Variants in BRIP1 observed in about 807,000 individuals in gnomAD.
The protein encoded by BRIP1 is Fanconi anemia group J protein.
A neutral mutation model predicts 119.7 loss-of-function variants in BRIP1; 88 were observed. That is an observed-to-expected ratio of 0.74 (90% CI 0.62 to 0.88). BRIP1 has a LOEUF of 0.88. BRIP1 is among the 40% of genes least tolerant of loss of function. The probability of loss-of-function intolerance (pLI) is 0.00; values close to 1 mark genes in which losing one functional copy is unlikely to be tolerated. For synonymous variants in BRIP1, 443 were observed against 496.5 expected (o/e 0.89, Z 1.43); for missense variants, 1,259 against 1,455.4 (o/e 0.87, Z 2.20).
rs930254010 is a variant in BRIP1, at chr17:61,825,496, T to G, written c.628-16739A>C. Among the ~76,000 whole-genome samples the G allele has an allele frequency of 6.6e-6, 1 of 151,786 alleles. No individual in the cohort carries two copies. Among genetic ancestry groups the G allele is most frequent in the South Asian group, 2.1e-4 (1 of 4,812 alleles). On this transcript the variant is annotated intron_variant, in intron 6 of 19. Transcript: ENST00000259008. The surrounding 1 kb of genome is among the most constrained non-coding windows in gnomAD (Gnocchi z 4.1). ...AACTCCACAGTCTCAGCCCAAAACC[T>G]CCTTAAGCTGATAAACAACTTGTCA...
Position 61,774,908 on chromosome 17 carries a change from C to G in BRIP1, c.2097+1493G>C, listed in dbSNP as rs1417677105. On this transcript the variant is annotated intron_variant, in intron 14 of 19. Transcript: ENST00000259008. This position sits in a 1 kb window ranked among gnomAD's most constrained non-coding sequence, Gnocchi z 5.8. Reference sequence around the variant, plus strand: ...CCAAGCCTAGCAGAAAAATGTCACCCAGACATCTCCTATCTCCCTTTTTGT... The same window carrying G: ...CCAAGCCTAGCAGAAAAATGTCACCGAGACATCTCCTATCTCCCTTTTTGT... Among the ~76,000 whole-genome samples, 4 of 152,142 alleles carry G rather than the reference C, an allele frequency of 2.6e-5. No homozygotes were observed. The highest frequency in any genetic ancestry group is 9.7e-5 in the African/African-American group (4 of 41,450).
chr17:61,780,246 A>G lies in BRIP1; in HGVS notation c.1935+15T>C, dbSNP rs796483567. 2.5e-6 allele frequency: 4 copies of G among 1,611,094 alleles called. No individual in the cohort carries two copies. In the African/African-American group the frequency reaches 5.3e-5, roughly 21 times the overall value. ...AAACACTGAAGGCCTTCCAAAAAAA[A>G]AAACAACAACTAACCTGTGAATTTT... On this transcript the variant is annotated intron_variant, in intron 13 of 19. Coordinates refer to ENST00000259008, the MANE Select transcript of BRIP1 (RefSeq NM_032043.3). The surrounding 1 kb of genome is among the most constrained non-coding windows in gnomAD (Gnocchi z 5.4).
At position 61,800,234 on chromosome 17, in the gene BRIP1, A is replaced by T. The variant is rs1490384069; in HGVS notation, c.1141-935T>A. On this transcript the variant is annotated intron_variant, in intron 8 of 19. Transcript: ENST00000259008. ...CTTGCAATAGAAAGAGTACTGACTA[A>T]TACAAGGAACTGTCACAAAGCAATT... 2.0e-5 allele frequency among the ~76,000 whole-genome samples: 3 copies of T among 152,176 alleles called. No individual in the cohort carries two copies. The East Asian group carries it at 5.8e-4, about 29-fold the overall frequency.
In BRIP1 at chr17:61,802,930, T is replaced by C. The variant is rs2078017339; in HGVS notation, c.919-1456A>G. Among the ~76,000 whole-genome samples, 1 of 152,242 alleles carries C rather than the reference T, an allele frequency of 6.6e-6. No individual in the cohort carries two copies. The highest frequency in any genetic ancestry group is 1.5e-5 in the Non-Finnish European group (1 of 68,030). The stretch of plus-strand genomic sequence containing the variant: ...CCTTATCAACACTGGTGTTATCTTT[T>C]GTTATCTCTATCTTAAAAGTAAAAA... On this transcript the variant is annotated intron_variant, in intron 7 of 19. Coordinates refer to ENST00000259008, the MANE Select transcript of BRIP1 (RefSeq NM_032043.3). The surrounding 1 kb of genome is among the most constrained non-coding windows in gnomAD (Gnocchi z 6.0).
In BRIP1 at chr17:61,681,955, A is replaced by G. The variant is rs923076181; in HGVS notation, c.*1341T>C. 1 of 200,524 alleles carries G rather than the reference A, an allele frequency of 5.0e-6. No homozygotes were observed. The highest frequency in any genetic ancestry group is 2.3e-5 in the African/African-American group (1 of 43,580). 12.4% of individuals were successfully genotyped at this position (200,524 alleles called of 1,614,324 possible). Reference sequence around the variant, plus strand: ...AAATTTCAATTCAAATTACTCACAAAAAGTCCCAATGCCCAGTGAATAACA... The same window carrying G: ...AAATTTCAATTCAAATTACTCACAAGAAGTCCCAATGCCCAGTGAATAACA... On this transcript the variant is annotated 3_prime_UTR_variant, in exon 20 of 20. Coordinates refer to ENST00000259008, the MANE Select transcript of BRIP1 (RefSeq NM_032043.3). This position sits in a 1 kb window ranked among gnomAD's most constrained non-coding sequence, Gnocchi z 5.1.
In BRIP1 at chr17:61,739,692, T is replaced by G. The variant is rs979204753; in HGVS notation, c.2379+3321A>C. On this transcript the variant is annotated intron_variant, in intron 16 of 19. Coordinates refer to ENST00000259008, the MANE Select transcript of BRIP1 (RefSeq NM_032043.3). The surrounding 1 kb of genome is among the most constrained non-coding windows in gnomAD (Gnocchi z 6.0). Reference sequence around the variant, plus strand: ...ACTATTCTAATGAAAGAACTCCTGCTTTGGTATGAGACCCTAACTGACTGT... The same window carrying G: ...ACTATTCTAATGAAAGAACTCCTGCGTTGGTATGAGACCCTAACTGACTGT... 6.6e-6 allele frequency among the ~76,000 whole-genome samples: 1 copy of G among 152,184 alleles called. No homozygotes were observed. Among genetic ancestry groups the G allele is most frequent in the Non-Finnish European group, 1.5e-5 (1 of 68,028 alleles).
At position 61,755,262 on chromosome 17, in the gene BRIP1, T is replaced by A. The variant is rs191317671; in HGVS notation, c.2098-10671A>T. On this transcript the variant is annotated intron_variant, in intron 14 of 19. Transcript: ENST00000259008. The surrounding 1 kb of genome is among the most constrained non-coding windows in gnomAD (Gnocchi z 4.5). ...CTGTAAAACCAGATGCCCAAGTCCT[T>A]AATAAAAGAAGAGTTGGCTGGGTGC... 7.2e-4 allele frequency among the ~76,000 whole-genome samples: 110 copies of A among 152,040 alleles called. No individual in the cohort carries two copies. The highest frequency in any genetic ancestry group is 1.4e-3 in the Non-Finnish European group (93 of 67,932).
chr17:61,726,609 T>C lies in BRIP1; in HGVS notation c.2380-10546A>G, dbSNP rs2076769080. ...TCTTGGGTTCTTGGAGTGGCTACTTTTTCATCAAGTGTCAATGAAAATATA... is the reference window on the plus strand; with the variant it reads ...TCTTGGGTTCTTGGAGTGGCTACTTCTTCATCAAGTGTCAATGAAAATATA... On this transcript the variant is annotated intron_variant, in intron 16 of 19. Transcript: ENST00000259008. The surrounding 1 kb of genome is among the most constrained non-coding windows in gnomAD (Gnocchi z 6.2). Among the ~76,000 whole-genome samples, 1 of 152,220 alleles carries C rather than the reference T, an allele frequency of 6.6e-6. No homozygotes were observed. The highest frequency in any genetic ancestry group is 2.4e-5 in the African/African-American group (1 of 41,464).
rs528456879 is a variant in BRIP1 at position 61,853,833 on chromosome 17, A to G, written c.379+3225T>C. On this transcript the variant is annotated intron_variant, in intron 4 of 19. Transcript: ENST00000259008. The surrounding 1 kb of genome is among the most constrained non-coding windows in gnomAD (Gnocchi z 4.3). ...AATGTTTAAAGAAGTCTCAAAATTT[A>G]ACAGTAAGAACACAAACTAATAAAA... Among the ~76,000 whole-genome samples the G allele has an allele frequency of 6.6e-6, 1 of 152,380 alleles. No individual in the cohort carries two copies. Among genetic ancestry groups the G allele is most frequent in the Non-Finnish European group, 1.5e-5 (1 of 68,044 alleles).
chr17:61,754,317 A>C lies in BRIP1; in HGVS notation c.2098-9726T>G, dbSNP rs991225079. 1.3e-5 allele frequency among the ~76,000 whole-genome samples: 2 copies of C among 152,086 alleles called. No individual in the cohort carries two copies. The highest frequency in any genetic ancestry group is 2.9e-5 in the Non-Finnish European group (2 of 68,016). On this transcript the variant is annotated intron_variant, in intron 14 of 19. Coordinates refer to ENST00000259008, the MANE Select transcript of BRIP1 (RefSeq NM_032043.3). The surrounding 1 kb of genome is among the most constrained non-coding windows in gnomAD (Gnocchi z 4.1). The stretch of plus-strand genomic sequence containing the variant: ...TCAAACTAGGTACTCTCCTGTCTCA[A>C]GATTCCCACTATCTGAACATTCTTC...
In BRIP1 at chr17:61,780,600, T is replaced by A. The variant is rs994815672; in HGVS notation, c.1795-199A>T. ...AAAATTAGCCGGGCATGGTGACACA[T>A]GCCTATAGTCCCAGCTACTCGGGAA... is the stretch of plus-strand genomic sequence containing the variant. On this transcript the variant is annotated intron_variant, in intron 12 of 19. Transcript: ENST00000259008. The surrounding 1 kb of genome is among the most constrained non-coding windows in gnomAD (Gnocchi z 5.4). Among the ~76,000 whole-genome samples, 1 of 151,922 alleles carries A rather than the reference T, an allele frequency of 6.6e-6. No individual in the cohort carries two copies. Among genetic ancestry groups the A allele is most frequent in the Non-Finnish European group, 1.5e-5 (1 of 67,978 alleles).
chr17:61,799,234 A>G lies in BRIP1; in HGVS notation c.1206T>C (p.Ala402=), dbSNP rs1203573533. The G allele has an allele frequency of 6.2e-7, 1 of 1,613,666 alleles. No individual in the cohort carries two copies. Among genetic ancestry groups the G allele is most frequent in the Admixed American group, 1.7e-5 (1 of 59,938 alleles). Residue 402 remains alanine (A), a synonymous_variant, in exon 9 of 20, where the codon GCT becomes GCC. Transcript: ENST00000259008. The surrounding 1 kb of genome is among the most constrained non-coding windows in gnomAD (Gnocchi z 5.1). Reference sequence around the variant, plus strand: ...TTACACTGTAACTTGCTGATTCCCGAGCACAGTCCTCGATGTTATGAGCTT... The same window carrying G: ...TTACACTGTAACTTGCTGATTCCCGGGCACAGTCCTCGATGTTATGAGCTT... ...LDEAHNIEDC[A]RESASYSVTE...
At position 61,710,308 on chromosome 17, in the gene BRIP1, C is replaced by T. The variant is rs2061751618; in HGVS notation, c.2492+5643G>A. 6.6e-6 allele frequency among the ~76,000 whole-genome samples: 1 copy of T among 152,176 alleles called. No homozygotes were observed. The highest frequency in any genetic ancestry group is 1.5e-5 in the Non-Finnish European group (1 of 68,042). On this transcript the variant is annotated intron_variant, in intron 17 of 19. Coordinates refer to ENST00000259008, the MANE Select transcript of BRIP1 (RefSeq NM_032043.3). The surrounding 1 kb of genome is among the most constrained non-coding windows in gnomAD (Gnocchi z 5.4). ...TATGGCAGGAAAAAGCACTGAACCT[C>T]ACATTTTTCACTAATTCAACAAGCA...
At chr17:61,694,694 A>G (rs2061496974) in intron 17 of BRIP1, among the ~76,000 whole-genome samples, 1 of 151,862 alleles carries the variant, frequency 6.6e-6, no homozygotes, top group African/African-American at 2.4e-5. Context: ...GTTATTGTAT[A>G]CCCTTCTAAA....
At chr17:61,711,206 A>C (rs2061768793) in intron 17 of BRIP1, among the ~76,000 whole-genome samples, 1 of 152,144 alleles carries the variant, frequency 6.6e-6, no homozygotes, top group African/African-American at 2.4e-5. Flanking sequence ...ACATACAAAT[A>C]TGACTTCTGT....
chr17:61,855,317 C>A (rs949960646), intron 4 of BRIP1, among the ~76,000 whole-genome samples: 1 of 152,140 alleles, frequency 6.6e-6, no homozygotes, highest in Admixed American at 6.5e-5. Flanking sequence ...GTCGCTCACG[C>A]CTATAATCCC....
chr17:61,686,110 T>C lies in BRIP1; in HGVS notation c.2631A>G (p.Ala877=), dbSNP rs786201336. The C allele has an allele frequency of 1.9e-6, 3 of 1,614,098 alleles. No individual in the cohort carries two copies. The highest frequency in any genetic ancestry group is 1.7e-6 in the Non-Finnish European group (2 of 1,179,964). The change falls in exon 19 of 20, where the codon GCA becomes GCG. Residue 877 remains alanine, a synonymous_variant. Coordinates refer to ENST00000259008, the MANE Select transcript of BRIP1 (RefSeq NM_032043.3). This position sits in a 1 kb window ranked among gnomAD's most constrained non-coding sequence, Gnocchi z 5.4. The part of the protein sequence containing the change: ...QIQHHSTFES[A]LESLAEFSKK... The stretch of plus-strand genomic sequence containing the variant: ...TGGAAAATTCAGCCAAGGATTCCAG[T>C]GCACTTTCAAAGGTTGAATGGTGCT...
chr17:61,787,219 TATATACTATA>T (rs1472056885), intron 10 of BRIP1, among the ~76,000 whole-genome samples: 1 of 61,312 alleles, frequency 1.6e-5, no homozygotes, highest in African/African-American at 8.9e-5. Flanking sequence ...AAAAATATAT[TATATACTATA>T]TAAAATATAT....
chr17:61,819,447 T>G (rs2078288357), intron 6 of BRIP1, among the ~76,000 whole-genome samples: 2 of 152,206 alleles, frequency 1.3e-5, no homozygotes, highest in African/African-American at 4.8e-5. Flanking sequence ...ATTGCAGCAT[T>G]ATTCACAATA....
Sources: gnomAD v4.1 joint callset for allele counts (sites outside exome capture counted in the v4.1 genomes callset) on GRCh38, gnomAD v4.1.1 for gene constraint, Gnocchi (gnomAD v3.1) non-coding constraint, MANE v1.5 for transcripts, NCBI Gene and HGNC (gene_info 2026-07-23, HGNC 2026-07-21) for gene names.